ARB2A: variants seen among roughly 807,000 people sequenced by gnomAD.
The protein encoded by ARB2A is ARB2 cotranscriptional regulator A, also known as cotranscriptional regulator ARB2A.
At chr5:93,790,793 T>C in the ARB2A span, among the ~76,000 whole-genome samples, 1 of 152,220 alleles carries the variant, frequency 6.6e-6, no homozygotes. Context: ...ATACAGAGTA[T>C]GTCCAGAGGA....
chr5:93,895,184 T>C, the ARB2A span, among the ~76,000 whole-genome samples: 1 of 152,208 alleles, frequency 6.6e-6, no homozygotes, highest in Non-Finnish European at 1.5e-5. Context: ...AGCTGCCCTG[T>C]GGTTCTTAGC....
the ARB2A span, among the ~76,000 whole-genome samples, chr5:93,988,368 T>G: frequency 6.6e-6 from 1 of 152,180 alleles, no homozygotes; most frequent in Non-Finnish European, 1.5e-5. Flanking sequence ...ACCATTCTCA[T>G]TCTCGTTTTG....
At chr5:93,780,842 AGCCACCAC>A in the ARB2A span, among the ~76,000 whole-genome samples, 1 of 151,806 alleles carries the variant, frequency 6.6e-6, no homozygotes, top group Admixed American at 6.6e-5. Context: ...TACCGGTGTG[AGCCACCAC>A]GCCTGGCCTG....
chr5:93,998,199 T>A, the ARB2A span, among the ~76,000 whole-genome samples: 3 of 152,014 alleles, frequency 2.0e-5, no homozygotes, highest in Admixed American at 6.6e-5. Context: ...CATGATTTTT[T>A]AAAATCTTTT....
At chr5:93,887,287 A>C in the ARB2A span, among the ~76,000 whole-genome samples, 2 of 151,498 alleles carry the variant, frequency 1.3e-5, no homozygotes, top group African/African-American at 2.4e-5. Context: ...AAAATTTCAC[A>C]AACAAAAAGA....
At chr5:94,076,167 A>T in the ARB2A span, among the ~76,000 whole-genome samples, 4 of 152,060 alleles carry the variant, frequency 2.6e-5, no homozygotes, top group African/African-American at 9.7e-5. Context: ...TGGTTTCTTC[A>T]TTTACGAAAT....
the ARB2A span, among the ~76,000 whole-genome samples, chr5:93,960,095 C>CAA: frequency 3.6e-5 from 5 of 139,276 alleles, no homozygotes; most frequent in African/African-American, 1.1e-4. Flanking sequence ...CCCCCCCCCC[C>CAA]AAAAAAAGCC....
At chr5:93,789,027 G>C in the ARB2A span, among the ~76,000 whole-genome samples, 4 of 152,194 alleles carry the variant, frequency 2.6e-5, no homozygotes, top group Non-Finnish European at 4.4e-5. Context: ...TCCTAAAAGA[G>C]CCAGTGTGGG....
chr5:93,771,101 A>G, the ARB2A span, among the ~76,000 whole-genome samples: 2 of 152,232 alleles, frequency 1.3e-5, no homozygotes, highest in African/African-American at 2.4e-5. Flanking sequence ...TGGTATCAAA[A>G]CAGAGAAACA....
At chr5:93,885,332 G>T in the ARB2A span, among the ~76,000 whole-genome samples, 96 of 151,650 alleles carry the variant, frequency 6.3e-4, 1 homozygote, top group East Asian at 9.7e-3. Flanking sequence ...CTTATGCTTA[G>T]ACTCTTAAAC....
the ARB2A span, among the ~76,000 whole-genome samples, chr5:93,873,581 T>A: frequency 6.6e-6 from 1 of 152,384 alleles, no homozygotes; most frequent in South Asian, 2.1e-4. Flanking sequence ...TTAAAGGCTT[T>A]AAAATTAATC....
the ARB2A span, among the ~76,000 whole-genome samples, chr5:93,905,228 T>G: frequency 2.0e-5 from 3 of 151,778 alleles, no homozygotes; most frequent in South Asian, 6.2e-4. Flanking sequence ...TATTACACAA[T>G]GGCTCCATCA....
At chr5:93,837,151 GC>G in the ARB2A span, among the ~76,000 whole-genome samples, 37 of 152,038 alleles carry the variant, frequency 2.4e-4, no homozygotes, top group African/African-American at 8.7e-4. Flanking sequence ...CCTCAAGTAG[GC>G]CCTTTTTGTG....
chr5:94,084,576 C>G, the ARB2A span, among the ~76,000 whole-genome samples: 1 of 152,070 alleles, frequency 6.6e-6, no homozygotes, highest in African/African-American at 2.4e-5. Flanking sequence ...AGAGAATCGC[C>G]AAGAACTGAT....
the ARB2A span, among the ~76,000 whole-genome samples, chr5:93,634,656 C>T: frequency 6.6e-6 from 1 of 152,150 alleles, no homozygotes; most frequent in Non-Finnish European, 1.5e-5. Flanking sequence ...TGAGAACTCA[C>T]AGAAAGTCAA....
chr5:93,910,765 A>T, the ARB2A span: 1 of 151,474 alleles, frequency 6.6e-6, no homozygotes, highest in Non-Finnish European at 1.5e-5. Flanking sequence ...TACAGTTAAC[A>T]TTTTAAACTA....
At chr5:93,736,790 A>C in the ARB2A span, 1 of 152,202 alleles carries the variant, frequency 6.6e-6, no homozygotes, top group Non-Finnish European at 1.5e-5. Flanking sequence ...ATAACCTAAG[A>C]AAAAAGGAAC....
the ARB2A span, among the ~76,000 whole-genome samples, chr5:93,721,967 G>A: frequency 6.6e-6 from 1 of 152,082 alleles, no homozygotes; most frequent in Admixed American, 6.6e-5. Context: ...GAAACTACCA[G>A]CACTACTAAA....
chr5:93,934,434 G>A, the ARB2A span, among the ~76,000 whole-genome samples: 1 of 152,132 alleles, frequency 6.6e-6, no homozygotes, highest in South Asian at 2.1e-4. Context: ...TATTAGCAGA[G>A]GTCTTATTTT....
Sources: gnomAD v4.1 joint callset for allele counts (sites outside exome capture counted in the v4.1 genomes callset) on GRCh38, gnomAD v4.1.1 for gene constraint, MANE v1.5 for transcripts, NCBI Gene and HGNC (gene_info 2026-07-23, HGNC 2026-07-21) for gene names.